The following MOB3B variants were observed in gnomAD, a reference collection of about 807,000 sequenced individuals.
The protein encoded by MOB3B is MOB kinase activator-like 2B.
MOB3B carries 7 observed loss-of-function variants against 18.7 expected under a neutral mutation model. The observed-to-expected ratio is 0.37, with a 90% CI of 0.21 to 0.70. MOB3B has a LOEUF of 0.70. Ranked by LOEUF, MOB3B falls within the 30% of genes least tolerant of loss-of-function variation. The pLI, the probability that MOB3B is intolerant of heterozygous loss-of-function variation, is 0.52. For missense variants in MOB3B, 253 were observed against 281.3 expected (o/e 0.90, Z 0.72); for synonymous variants, 111 against 99.9 (o/e 1.11, Z -0.66).
At chr9:27,437,018 G>A (rs1822514182) in intron 2 of MOB3B, among the ~76,000 whole-genome samples, 1 of 150,964 alleles carries the variant, frequency 6.6e-6, no homozygotes, top group Admixed American at 6.6e-5. Context: ...TGGGGGTGGG[G>A]GGAGTGTGTT....
rs564697818 is a variant in MOB3B at position 27,524,593 on chromosome 9, C to T, written c.-199+4962G>A. On this transcript the variant is annotated intron_variant, in intron 1 of 3. Coordinates refer to ENST00000262244, the MANE Select transcript of MOB3B (RefSeq NM_024761.5). ...CCTATGAAGAGGGACATCAAGAAGG[C>T]CTTCTATGAAATGTCCCTACAGGCC... The T allele has an allele frequency of 6.2e-7, 1 of 1,614,110 alleles. No individual in the cohort carries two copies. Among genetic ancestry groups the T allele is most frequent in the Non-Finnish European group, 8.5e-7 (1 of 1,179,984 alleles).
intron 2 of MOB3B, among the ~76,000 whole-genome samples, chr9:27,446,751 A>G (rs918474945): frequency 6.6e-6 from 1 of 152,170 alleles, no homozygotes; most frequent in African/African-American, 2.4e-5. Flanking sequence ...TAACAATTCC[A>G]TGAAGCAGGT....
intron 1 of MOB3B, among the ~76,000 whole-genome samples, chr9:27,524,080 G>A (rs1194542635): frequency 1.4e-5 from 2 of 140,250 alleles, no homozygotes; most frequent in African/African-American, 5.4e-5. Context: ...TAACACGATG[G>A]TAATTCTTTG....
At chr9:27,517,456 T>C (rs1820253182) in intron 1 of MOB3B, among the ~76,000 whole-genome samples, 1 of 152,024 alleles carries the variant, frequency 6.6e-6, no homozygotes, top group South Asian at 2.1e-4. Context: ...GAGACCAGCC[T>C]GGCCAACATG....
At chr9:27,345,311 T>C (rs1277427365) in intron 3 of MOB3B, among the ~76,000 whole-genome samples, 1 of 152,112 alleles carries the variant, frequency 6.6e-6, no homozygotes, top group African/African-American at 2.4e-5. Context: ...ATAGGCCCTG[T>C]ATGAACCATG....
intron 2 of MOB3B, among the ~76,000 whole-genome samples, chr9:27,443,617 T>A (rs1822629346): frequency 6.6e-6 from 1 of 152,198 alleles, no homozygotes; most frequent in East Asian, 1.9e-4. Flanking sequence ...GTTAGTCCAA[T>A]CAGGAACCCC....
At chr9:27,525,903 C>A (rs1479015134) in intron 1 of MOB3B, 2 of 152,052 alleles carry the variant, frequency 1.3e-5, no homozygotes, top group African/African-American at 4.8e-5. Context: ...GCCAGACTAC[C>A]TAGATTATTT....
intron 1 of MOB3B, among the ~76,000 whole-genome samples, chr9:27,471,649 G>A (rs1402924338): frequency 6.6e-6 from 1 of 152,238 alleles, no homozygotes; most frequent in Non-Finnish European, 1.5e-5. Context: ...GGGCTGCCAT[G>A]AGAGTTAAAT....
rs1257005796 is a variant in MOB3B, at chr9:27,465,413, G to T, written c.-198-9665C>A. 2.6e-5 allele frequency among the ~76,000 whole-genome samples: 4 copies of T among 152,304 alleles called. No individual in the cohort carries two copies. The East Asian group carries it at 7.7e-4, about 29-fold the overall frequency. ...AGCTCCACCCCTGTGGCTTTGCAGG[G>T]TACAGCCTCCCTGCTGGCTGCTTTC... On this transcript the variant is annotated intron_variant, in intron 1 of 3. Coordinates refer to ENST00000262244, the MANE Select transcript of MOB3B (RefSeq NM_024761.5).
At chr9:27,393,857 T>C (rs1389986279) in intron 2 of MOB3B, among the ~76,000 whole-genome samples, 1 of 152,144 alleles carries the variant, frequency 6.6e-6, no homozygotes, top group Non-Finnish European at 1.5e-5. Flanking sequence ...AAACTCCATG[T>C]CATTTTGCTA....
intron 2 of MOB3B, among the ~76,000 whole-genome samples, chr9:27,426,592 G>A (rs555673672): frequency 6.6e-6 from 1 of 152,330 alleles, no homozygotes; most frequent in Non-Finnish European, 1.5e-5. Flanking sequence ...GCCTGTCAGA[G>A]CTCTACCTCA....
At chr9:27,501,000 A>C (rs573414010) in intron 1 of MOB3B, among the ~76,000 whole-genome samples, 1 of 152,346 alleles carries the variant, frequency 6.6e-6, no homozygotes, top group South Asian at 2.1e-4. Context: ...ATGAAAAAAA[A>C]ACCTCATCAT....
intron 3 of MOB3B, chr9:27,358,785 G>C: frequency 1.4e-6 from 1 of 699,680 alleles, no homozygotes; most frequent in Non-Finnish European, 2.6e-6. Context: ...TACTCCCTCT[G>C]ATCCAAACTA....
At chr9:27,487,106 G>A (rs1819738814) in intron 1 of MOB3B, among the ~76,000 whole-genome samples, 2 of 143,054 alleles carry the variant, frequency 1.4e-5, no homozygotes, top group Non-Finnish European at 1.5e-5. Context: ...ACTCCAGCCT[G>A]GGCAACACAG....
intron 2 of MOB3B, chr9:27,378,501 G>A (rs1005605443): frequency 2.1e-5 from 10 of 471,032 alleles, no homozygotes; most frequent in African/African-American, 1.6e-4. Flanking sequence ...CAAAAGCCAG[G>A]GTTTAGTCCC....
intron 1 of MOB3B, among the ~76,000 whole-genome samples, chr9:27,509,461 G>A (rs574275677): frequency 6.6e-6 from 1 of 152,306 alleles, no homozygotes; most frequent in African/African-American, 2.4e-5. Context: ...CTGTTGCCCA[G>A]GCTTGAGGGC....
In MOB3B at chr9:27,326,282, TC is replaced by T. The variant is rs1015093631; in HGVS notation, c.*4304del. ...GTGGTCAACAATGGAGCAACAAGAC[TC>T]CGTAGAGGATGCCACCCTGGGAGAA... On this transcript the variant is annotated 3_prime_UTR_variant, in exon 4 of 4. Transcript: ENST00000262244. 31 of 392,738 alleles carry T rather than the reference TC, an allele frequency of 7.9e-5. No individual in the cohort carries two copies. Among genetic ancestry groups the T allele is most frequent in the Admixed American group, 1.8e-4 (4 of 22,538 alleles). 24.3% of individuals were successfully genotyped at this position (392,738 alleles called of 1,614,324 possible).
intron 1 of MOB3B, among the ~76,000 whole-genome samples, chr9:27,509,213 G>T (rs12554036): frequency 0.18 from 26,712 of 152,022 alleles, 2,707 homozygotes; most frequent in Middle Eastern, 0.26. Flanking sequence ...TACATTAAGA[G>T]ATACTGTAAC....
intron 1 of MOB3B, among the ~76,000 whole-genome samples, chr9:27,461,557 C>T (rs1819287740): frequency 6.6e-6 from 1 of 152,218 alleles, no homozygotes. Context: ...TTAGAATGCT[C>T]ACATTATTTC....
Sources: gnomAD v4.1 joint callset for allele counts (sites outside exome capture counted in the v4.1 genomes callset) on GRCh38, gnomAD v4.1.1 for gene constraint, MANE v1.5 for transcripts, NCBI Gene and HGNC (gene_info 2026-07-23, HGNC 2026-07-21) for gene names.